RORB: variants seen among roughly 807,000 people sequenced by gnomAD.
The protein encoded by RORB is nuclear receptor ROR-beta.
Under a neutral mutation model 59.1 loss-of-function variants are expected in RORB, and 6 were observed. The observed-to-expected ratio is 0.10, with a 90% CI of 0.06 to 0.20. RORB has a LOEUF of 0.20. Ranked by LOEUF, RORB falls within the 10% of genes least tolerant of loss-of-function variation. RORB has a pLI of 1.00. For synonymous variants in RORB, 215 were observed against 204.5 expected (o/e 1.05, Z -0.44); for missense variants, 320 against 560.5 (o/e 0.57, Z 4.33).
chr9:74,603,341 G>A (rs11788292), intron 1 of RORB, among the ~76,000 whole-genome samples: 47,199 of 152,010 alleles, frequency 0.31, 7,505 homozygotes, highest in Non-Finnish European at 0.35. Context: ...TCTTCTGACC[G>A]CTTTCTATTT....
chr9:74,545,099 GTTT>G (rs113301176), intron 1 of RORB, among the ~76,000 whole-genome samples: 2 of 143,822 alleles, frequency 1.4e-5, no homozygotes, highest in African/African-American at 5.1e-5. Flanking sequence ...CTGCGAGCAG[GTTT>G]TTTTTTTTTT....
chr9:74,634,169 C>T (rs143141079), intron 2 of RORB, among the ~76,000 whole-genome samples: 1 of 151,500 alleles, frequency 6.6e-6, no homozygotes, highest in Admixed American at 6.6e-5. Context: ...ACTAAGAAAA[C>T]AGTAGTGCAT....
chr9:74,509,898 C>A (rs1051049346), intron 1 of RORB, among the ~76,000 whole-genome samples: 1 of 152,150 alleles, frequency 6.6e-6, no homozygotes, highest in East Asian at 1.9e-4. Flanking sequence ...TAAAGAAATG[C>A]GGAGTTCTGC....
intron 1 of RORB, among the ~76,000 whole-genome samples, chr9:74,525,676 G>T (rs1367879003): frequency 6.6e-6 from 1 of 151,890 alleles, no homozygotes; most frequent in Non-Finnish European, 1.5e-5. Context: ...GTTCCCATGG[G>T]AAAATGAATA....
chr9:74,624,209 G>A lies in RORB; in HGVS notation c.8-6073G>A, dbSNP rs567445820. Among the ~76,000 whole-genome samples the A allele has an allele frequency of 7.2e-5, 11 of 152,198 alleles. No individual in the cohort carries two copies. In the South Asian group the frequency reaches 2.1e-3, roughly 29 times the overall value. On this transcript the variant is annotated intron_variant, in intron 1 of 9. Coordinates refer to ENST00000376896, the MANE Select transcript of RORB (RefSeq NM_006914.4). ...GAATTAAAATAATATAAAGCCAAAT[G>A]TATCTTTAAGTTATTTAGGAGCTAT...
chr9:74,645,369 C>T (rs1823878041), intron 4 of RORB, among the ~76,000 whole-genome samples: 1 of 152,122 alleles, frequency 6.6e-6, no homozygotes, highest in Non-Finnish European at 1.5e-5. Context: ...GGCAGGAAGG[C>T]ATCTGTGGTA....
At chr9:74,592,264 T>A (rs1417023908) in intron 1 of RORB, among the ~76,000 whole-genome samples, 2 of 152,166 alleles carry the variant, frequency 1.3e-5, no homozygotes, top group African/African-American at 4.8e-5. Context: ...GAAGGATTTA[T>A]TAAAAATTCA....
At chr9:74,655,376 T>A (rs1264837155) in intron 4 of RORB, among the ~76,000 whole-genome samples, 1 of 152,212 alleles carries the variant, frequency 6.6e-6, no homozygotes, top group African/African-American at 2.4e-5. Context: ...GCACAGAGCA[T>A]ACTGACTTCT....
intron 1 of RORB, among the ~76,000 whole-genome samples, chr9:74,601,006 C>G (rs986875803): frequency 2.0e-5 from 3 of 151,940 alleles, no homozygotes; most frequent in African/African-American, 4.8e-5. Flanking sequence ...TTTCAAGAGG[C>G]CATTGTTCAC....
intron 2 of RORB, among the ~76,000 whole-genome samples, chr9:74,633,433 T>A (rs1823651851): frequency 6.6e-6 from 1 of 152,172 alleles, no homozygotes; most frequent in African/African-American, 2.4e-5. Context: ...CTAGACTTTC[T>A]CCATCCAAAA....
intron 9 of RORB, among the ~76,000 whole-genome samples, chr9:74,673,085 T>C (rs1023145265): frequency 6.6e-6 from 1 of 152,216 alleles, no homozygotes; most frequent in Non-Finnish European, 1.5e-5. Flanking sequence ...GCAATAGTTC[T>C]CTTTCACGTA....
intron 1 of RORB, among the ~76,000 whole-genome samples, chr9:74,538,751 A>T (rs1332444359): frequency 6.6e-6 from 1 of 152,024 alleles, no homozygotes; most frequent in Non-Finnish European, 1.5e-5. Context: ...ACAGAATTAA[A>T]AGGAAGGGTT....
chr9:74,635,678 T>C (rs1823689430), intron 3 of RORB, among the ~76,000 whole-genome samples: 1 of 152,172 alleles, frequency 6.6e-6, no homozygotes, highest in Non-Finnish European at 1.5e-5. Context: ...AAATCCCTTC[T>C]ACCTAGAGCC....
intron 9 of RORB, among the ~76,000 whole-genome samples, chr9:74,675,527 C>T (rs1230372019): frequency 6.6e-6 from 1 of 152,080 alleles, no homozygotes; most frequent in African/African-American, 2.4e-5. Flanking sequence ...GTGTTGCCTT[C>T]CAACGTCCAG....
In RORB at chr9:74,498,014, C is replaced by T; in HGVS notation, c.7+31C>T. ...CGAGTCTGCGGGCACCGAGGCTCCC[C>T]GAGTCCGGCCAACTCCAGCCAGACG... On this transcript the variant is annotated intron_variant, in intron 1 of 9. Coordinates refer to ENST00000376896, the MANE Select transcript of RORB (RefSeq NM_006914.4). 3 of 1,605,622 alleles carry T rather than the reference C, an allele frequency of 1.9e-6. No homozygotes were observed. The South Asian group carries it at 3.3e-5, about 18-fold the overall frequency.
chr9:74,506,846 G>A (rs1281284549), intron 1 of RORB, among the ~76,000 whole-genome samples: 2 of 152,076 alleles, frequency 1.3e-5, no homozygotes, highest in African/African-American at 2.4e-5. Flanking sequence ...CAATATATTA[G>A]ACCAAGGAAT....
At position 74,646,050 on chromosome 9, in the gene RORB, G is replaced by GA. The variant is rs559864394; in HGVS notation, c.637+3242dup. On this transcript the variant is annotated intron_variant, in intron 4 of 9. Coordinates refer to ENST00000376896, the MANE Select transcript of RORB (RefSeq NM_006914.4). ...ATCTGGTTGGTGGCAAGCTGCCATAGAAAAAAACCCTATGCATATAAAACA... is the reference window on the plus strand; with the variant it reads ...ATCTGGTTGGTGGCAAGCTGCCATAGAAAAAAAACCCTATGCATATAAAACA... Among the ~76,000 whole-genome samples the GA allele has an allele frequency of 7.3e-5, 11 of 151,124 alleles. No homozygotes were observed. The South Asian group carries it at 1.9e-3, about 26-fold the overall frequency.
intron 1 of RORB, among the ~76,000 whole-genome samples, chr9:74,621,191 G>A (rs1204749188): frequency 1.3e-5 from 2 of 152,158 alleles, no homozygotes; most frequent in Non-Finnish European, 2.9e-5. Context: ...CTGTAATGAT[G>A]TGTATCTGTC....
intron 1 of RORB, among the ~76,000 whole-genome samples, chr9:74,544,775 A>G (rs965908655): frequency 2.0e-5 from 3 of 152,224 alleles, no homozygotes; most frequent in Admixed American, 6.5e-5. Flanking sequence ...TCCTCTATCC[A>G]GCCAGCTCGA....
Sources: allele counts gnomAD v4.1 joint callset (sites outside exome capture counted in the v4.1 genomes callset), GRCh38; gene constraint gnomAD v4.1.1; transcripts MANE v1.5; gene names NCBI Gene and HGNC (gene_info 2026-07-23, HGNC 2026-07-21).